Variants in MCF2 observed in about 807,000 individuals in gnomAD.
MCF2 encodes the protein MCF.2 cell line derived transforming sequence.
MCF2 carries 44 observed loss-of-function variants against 82.5 expected under a neutral mutation model. The ratio of observed to expected loss-of-function variants is 0.53; its 90% CI spans 0.42 to 0.69. The LOEUF (loss-of-function observed/expected upper bound fraction) is 0.69, where lower values mean the gene tolerates loss of function less well. MCF2 is among the 30% of genes least tolerant of loss of function. The pLI is 0.00. For synonymous variants in MCF2, 217 were observed against 224.9 expected, an observed-to-expected ratio of 0.96 and a Z score of 0.32; for missense variants, 623 against 663.1, an observed-to-expected ratio of 0.94 and a Z score of 0.66.
chrX:139,659,649 C>T (rs889552919), intron 1 of MCF2, among the ~76,000 whole-genome samples: 1 of 111,573 alleles, frequency 9.0e-6, no homozygotes, highest in Non-Finnish European at 1.9e-5. Flanking sequence ...CCATGTCATC[C>T]AAGCACTACG....
chrX:139,588,480 T>C, intron 20 of MCF2, 42 bp from the exon 25 acceptor site: 1 of 865,908 alleles, frequency 1.2e-6, no homozygotes, highest in Admixed American at 2.3e-5. Flanking sequence ...GGTACACATT[T>C]CCTTTTAAAA....
At chrX:139,675,643 A>C (rs1934843598) in intron 1 of MCF2, among the ~76,000 whole-genome samples, 2 of 112,407 alleles carry the variant, frequency 1.8e-5, no homozygotes, top group South Asian at 3.7e-4. Flanking sequence ...GCTGCAGAAC[A>C]GCATATATTG....
intron 16 of MCF2, 142 bp downstream of exon 20, chrX:139,602,264 G>A: frequency 2.1e-6 from 1 of 480,412 alleles, no homozygotes; most frequent in African/African-American, 2.5e-5. Flanking sequence ...TGTGTGTGTT[G>A]GGGGGGAGGG....
intron 19 of MCF2, among the ~76,000 whole-genome samples, chrX:139,595,156 G>C (rs1196974761): frequency 1.8e-5 from 2 of 108,848 alleles, no homozygotes; most frequent in East Asian, 5.8e-4. Context: ...AACCATTGTG[G>C]AAGTCAGTGT....
rs1202170963 is a variant in MCF2 at position 139,588,260 on chromosome X, A to G, written c.2449+100T>C. Reference sequence around the variant, plus strand: ...AAATCTTCTCATTGTAATAGTATAAAGTAAATATCAGCCCCATTCTCTGGA... The same window carrying G: ...AAATCTTCTCATTGTAATAGTATAAGGTAAATATCAGCCCCATTCTCTGGA... On this transcript the variant is annotated intron_variant, in intron 21 of 24. Coordinates refer to ENST00000370576, the Ensembl canonical transcript of MCF2. The G allele has an allele frequency of 5.6e-6, 3 of 538,556 alleles. No homozygotes were observed. The African/African-American group carries it at 7.0e-5, about 13-fold the overall frequency. 44.4% of individuals were successfully genotyped at this position (538,556 alleles called of 1,213,427 possible). A position where few individuals can be genotyped will look rare whatever the true frequency, so the allele number is the denominator to read the frequency against.
chrX:139,618,375 A>C (rs1388002501), intron 7 of MCF2, among the ~76,000 whole-genome samples: 1 of 111,499 alleles, frequency 9.0e-6, no homozygotes, highest in African/African-American at 3.2e-5. Flanking sequence ...ATACAGTTTC[A>C]ATTTTATAAG....
intron 12 of MCF2, chrX:139,607,341 T>C (rs148194349): frequency 0.017 from 2,048 of 120,541 alleles, 32 homozygotes; most frequent in East Asian, 0.088. Flanking sequence ...TCATTATACA[T>C]TGTACACATG....
At chrX:139,584,676 C>T (rs73634051) in intron 24 of MCF2, among the ~76,000 whole-genome samples, 1,143 of 111,699 alleles carry the variant, frequency 0.01, 18 homozygotes, top group African/African-American at 0.035. Context: ...ATGTATAATG[C>T]TTATTTCCTT....
At chrX:139,637,246 C>T (rs1933280493) in intron 1 of MCF2, among the ~76,000 whole-genome samples, 1 of 112,092 alleles carries the variant, frequency 8.9e-6, no homozygotes, top group South Asian at 3.7e-4. Context: ...AGCTACACAA[C>T]TACTAAGCAA....
At chrX:139,594,640 C>T (rs1164165881) in intron 19 of MCF2, among the ~76,000 whole-genome samples, 3 of 111,027 alleles carry the variant, frequency 2.7e-5, no homozygotes, top group African/African-American at 6.6e-5. Context: ...AAAACCTAGG[C>T]ATTACCATTC....
At chrX:139,665,720 G>T (rs1260995369) in intron 1 of MCF2, among the ~76,000 whole-genome samples, 1 of 108,616 alleles carries the variant, frequency 9.2e-6, no homozygotes, top group African/African-American at 3.3e-5. Context: ...CCTGCAGGGG[G>T]TATGATTGGT....
Position 139,585,074 on chromosome X carries a change from G to A in MCF2, c.2737C>T (p.Pro913Ser), listed in dbSNP as rs764011158. Residue 913 changes from proline to serine, a missense_variant, in exon 24 of 25, where the codon CCC becomes TCC. Coordinates refer to ENST00000370576, the Ensembl canonical transcript of MCF2. Reference sequence around the variant, plus strand: ...ACTATATTATTACTAACCATGAGGGGCCTATTTTCTTCTTCATTTTCATCA... The same window carrying A: ...ACTATATTATTACTAACCATGAGGGACCTATTTTCTTCTTCATTTTCATCA... 6 of 1,172,442 alleles carry A rather than the reference G, an allele frequency of 5.1e-6. No individual in the cohort carries two copies. The South Asian group carries it at 1.1e-4, about 22-fold the overall frequency.
chrX:139,692,111 G>C, intron 1 of MCF2: 6 of 1,159,373 alleles, frequency 5.2e-6, no homozygotes, highest in Non-Finnish European at 6.9e-6. Flanking sequence ...GCGCCGAAGC[G>C]GCAGCTTGGG....
rs6634090 is a variant in MCF2, at chrX:139,604,562, G to A, written c.1743+119C>T. The A allele has an allele frequency of 4.2e-3, 1,815 of 427,286 alleles. 29 individuals are homozygous for A. Among genetic ancestry groups the A allele is most frequent in the African/African-American group, 0.04 (1,598 of 39,598 alleles). 35.2% of individuals were successfully genotyped at this position (427,286 alleles called of 1,213,427 possible). A position where few individuals can be genotyped will look rare whatever the true frequency, so the allele number is the denominator to read the frequency against. On this transcript the variant is annotated intron_variant, in intron 15 of 24. Coordinates refer to ENST00000370576, the Ensembl canonical transcript of MCF2. ...TATTAAATACTTGCTGGAGTAATGT[G>A]TCCTCTCCAAAAACATAAAGACATA...
At chrX:139,599,837 T>C (rs191042310) in intron 16 of MCF2, among the ~76,000 whole-genome samples, 8 of 111,742 alleles carry the variant, frequency 7.2e-5, no homozygotes, top group African/African-American at 2.6e-4. Flanking sequence ...TGAAAATATA[T>C]GTCTACAGAA....
chrX:139,702,671 T>C (rs769098699), intron 1 of MCF2, among the ~76,000 whole-genome samples: 19 of 112,403 alleles, frequency 1.7e-4, no homozygotes, highest in Non-Finnish European at 2.8e-4. Flanking sequence ...AAAAGATTGG[T>C]GAAACTTTAA....
intron 6 of MCF2, 66 bp from the exon 10 acceptor site, chrX:139,619,772 C>A: frequency 1.1e-6 from 1 of 886,232 alleles, no homozygotes; most frequent in Non-Finnish European, 1.5e-6. Context: ...AAGTTTTATA[C>A]AAAATGCTTT....
intron 1 of MCF2, among the ~76,000 whole-genome samples, chrX:139,701,528 C>T (rs1236346503): frequency 8.9e-6 from 1 of 111,952 alleles, no homozygotes; most frequent in African/African-American, 3.3e-5. Flanking sequence ...GTCTGAAGTG[C>T]CAACTCCTGC....
At chrX:139,651,615 A>C (rs1934017495) in intron 2 of MCF2, 105 bp downstream of exon 2, 1 of 428,979 alleles carries the variant, frequency 2.3e-6, no homozygotes, top group Admixed American at 4.3e-5. Context: ...GAATATATAT[A>C]ATAGCTCTAT....
Sources: gnomAD v4.1 joint callset for allele counts (sites outside exome capture counted in the v4.1 genomes callset) on GRCh38, gnomAD v4.1.1 for gene constraint, MANE v1.5 for transcripts, NCBI Gene and HGNC (gene_info 2026-07-23, HGNC 2026-07-21) for gene names.